Variants in RBFOX1 observed in about 807,000 individuals in gnomAD.
RBFOX1 encodes the protein RNA binding fox-1 homolog 1.
In RBFOX1, 8 loss-of-function variants were observed where a neutral mutation model predicts 57.7. That is an observed-to-expected ratio of 0.14 (90% CI 0.08 to 0.25). RBFOX1 has a LOEUF of 0.25. RBFOX1 is among the 10% of genes least tolerant of loss of function. The pLI is 1.00. For synonymous variants in RBFOX1, 326 were observed against 222.4 expected (o/e 1.47, Z -4.15); for missense variants, 611 against 548.5 (o/e 1.11, Z -1.14).
chr16:5,467,712 G>T (rs1396149734), intron 2 of RBFOX1, among the ~76,000 whole-genome samples: 1 of 152,136 alleles, frequency 6.6e-6, no homozygotes, highest in Non-Finnish European at 1.5e-5. Context: ...TTTTAAAATC[G>T]ATTTCAACTC....
intron 3 of RBFOX1, among the ~76,000 whole-genome samples, chr16:5,789,399 G>C (rs957769476): frequency 6.6e-5 from 10 of 152,052 alleles, no homozygotes; most frequent in African/African-American, 2.4e-4. Flanking sequence ...ACTTTGGGAG[G>C]TCTACAAGCC....
intron 4 of RBFOX1, among the ~76,000 whole-genome samples, chr16:7,314,060 C>T (rs1002515916): frequency 1.3e-4 from 20 of 151,892 alleles, no homozygotes; most frequent in African/African-American, 4.8e-4. Context: ...TAAGTCATTA[C>T]GATTTTGTTT....
At chr16:6,786,343 C>CA (rs2081960247) in intron 3 of RBFOX1, among the ~76,000 whole-genome samples, 1 of 152,132 alleles carries the variant, frequency 6.6e-6, no homozygotes, top group South Asian at 2.1e-4. Context: ...AATGTACCCC[C>CA]ACAATGAGGA....
At chr16:6,823,480 C>T (rs573293014) in intron 3 of RBFOX1, among the ~76,000 whole-genome samples, 37 of 152,202 alleles carry the variant, frequency 2.4e-4, no homozygotes, top group African/African-American at 7.7e-4. Flanking sequence ...TAGTCTCAAA[C>T]TACTGGTCTC....
intron 11 of RBFOX1, among the ~76,000 whole-genome samples, chr16:7,649,912 G>A (rs751504067): frequency 1.4e-4 from 21 of 152,046 alleles, no homozygotes; most frequent in Non-Finnish European, 2.8e-4. Flanking sequence ...TGAAAGGAAG[G>A]ATTGTAATGA....
At chr16:7,268,618 G>A (rs1005017000) in intron 4 of RBFOX1, among the ~76,000 whole-genome samples, 2 of 152,190 alleles carry the variant, frequency 1.3e-5, no homozygotes, top group Non-Finnish European at 2.9e-5. Flanking sequence ...AAGTTGTCTT[G>A]TGATTATTGT....
At chr16:5,292,074 A>G (rs1324143481) in intron 1 of RBFOX1, among the ~76,000 whole-genome samples, 1 of 151,806 alleles carries the variant, frequency 6.6e-6, no homozygotes, top group African/African-American at 2.4e-5. Context: ...CTAATTTATC[A>G]CAGAGGGATG....
chr16:7,591,322 A>C (rs1360838017), intron 7 of RBFOX1, among the ~76,000 whole-genome samples: 1 of 152,174 alleles, frequency 6.6e-6, no homozygotes, highest in African/African-American at 2.4e-5. Flanking sequence ...TCTGCACCAG[A>C]AACTAGAGGA....
chr16:6,869,947 G>A (rs779698769), intron 3 of RBFOX1, among the ~76,000 whole-genome samples: 2 of 152,154 alleles, frequency 1.3e-5, no homozygotes, highest in Admixed American at 6.5e-5. Context: ...CTTGGGGACT[G>A]CTTACTAATC....
Position 5,898,414 on chromosome 16 carries a change from A to G in RBFOX1, c.351+31079A>G, listed in dbSNP as rs1183096675. Among the ~76,000 whole-genome samples, 3 of 152,172 alleles carry G rather than the reference A, an allele frequency of 2.0e-5. No individual in the cohort carries two copies. The East Asian group carries it at 5.8e-4, about 29-fold the overall frequency. On this transcript the variant is annotated intron_variant, in intron 4 of 19. Coordinates refer to the RBFOX1 transcript ENST00000641259. ...AGAAGATCTGGTGGGCCTCTTGCTT[A>G]GACATAAAACGTATCAGACCTCTGA... is the stretch of plus-strand genomic sequence containing the variant.
chr16:7,615,301 C>A (rs2058255166), intron 10 of RBFOX1, among the ~76,000 whole-genome samples: 1 of 151,576 alleles, frequency 6.6e-6, no homozygotes, highest in East Asian at 1.9e-4. Context: ...CCACTGCACT[C>A]CAGCCTGGGC....
At chr16:6,183,487 T>TAAAG (rs2097082150) in intron 1 of RBFOX1, among the ~76,000 whole-genome samples, 1 of 1,788 alleles carries the variant, frequency 5.6e-4, no homozygotes, top group Non-Finnish European at 2.2e-3. Flanking sequence ...CTAAAAAAAT[T>TAAAG]AAATAAATAA....
At position 7,498,586 on chromosome 16, in the gene RBFOX1, C is replaced by G. The variant is rs141332539; in HGVS notation, c.28-19561C>G. On this transcript the variant is annotated intron_variant, in intron 4 of 15. Transcript: ENST00000550418. ...TTTACCCAGTATATCCAAAGTGTTA[C>G]CATTCAACATGTAATCAAACTGACA... is the stretch of plus-strand genomic sequence containing the variant. Among the ~76,000 whole-genome samples the G allele has an allele frequency of 9.7e-4, 148 of 152,224 alleles. 2 individuals carry two copies. The East Asian group carries it at 0.025, about 26-fold the overall frequency.
intron 1 of RBFOX1, among the ~76,000 whole-genome samples, chr16:6,099,884 C>A (rs138080757): frequency 1.3e-5 from 2 of 152,142 alleles, no homozygotes; most frequent in Admixed American, 6.5e-5. Context: ...TAAAGGAGTT[C>A]TTTTCTCTGT....
chr16:7,055,518 G>T (rs557825392), intron 4 of RBFOX1, among the ~76,000 whole-genome samples: 6 of 152,244 alleles, frequency 3.9e-5, no homozygotes, highest in Non-Finnish European at 5.9e-5. Flanking sequence ...TCACAGGGCA[G>T]CACTCTCATC....
At chr16:6,615,251 G>C (rs149690707) in intron 2 of RBFOX1, among the ~76,000 whole-genome samples, 1 of 152,176 alleles carries the variant, frequency 6.6e-6, no homozygotes, top group African/African-American at 2.4e-5. Flanking sequence ...ATTTAGACTA[G>C]AATCTCATTC....
chr16:5,735,505 C>T (rs1301173359), intron 3 of RBFOX1, among the ~76,000 whole-genome samples: 2 of 152,220 alleles, frequency 1.3e-5, no homozygotes, highest in Non-Finnish European at 1.5e-5. Context: ...AGTTCCTTCC[C>T]GCTTCCGCAT....
At chr16:7,607,228 A>T (rs188646732) in intron 9 of RBFOX1, 57 bp from the exon 10 acceptor site, 246 of 1,457,454 alleles carry the variant, frequency 1.7e-4, no homozygotes, top group Non-Finnish European at 2.3e-4. Context: ...TTCATTTGCA[A>T]TTATATAAGA....
intron 2 of RBFOX1, among the ~76,000 whole-genome samples, chr16:5,480,476 C>T (rs2069494789): frequency 6.6e-6 from 1 of 152,148 alleles, no homozygotes; most frequent in African/African-American, 2.4e-5. Flanking sequence ...GAACTCACTA[C>T]CATAATAAAC....
Sources: allele counts gnomAD v4.1 joint callset (sites outside exome capture counted in the v4.1 genomes callset), GRCh38; gene constraint gnomAD v4.1.1; transcripts MANE v1.5; gene names NCBI Gene and HGNC (gene_info 2026-07-23, HGNC 2026-07-21).